Variants in B3GALT1 observed in about 807,000 individuals in gnomAD.
The protein encoded by B3GALT1 is beta-1,3-galactosyltransferase 1, also known as UDP-Gal:betaGlcNAc beta 1,3-galactosyltransferase, polypeptide 1.
In B3GALT1, 10 loss-of-function variants were observed where a neutral mutation model predicts 23.2. The observed-to-expected ratio is 0.43, with a 90% CI of 0.27 to 0.73. The LOEUF is 0.73. Ranked by LOEUF, B3GALT1 falls within the 30% of genes least tolerant of loss-of-function variation. B3GALT1 has a pLI of 0.21. For synonymous variants in B3GALT1, 156 were observed against 141.5 expected (o/e 1.10, Z -0.73); for missense variants, 299 against 405.4 (o/e 0.74, Z 2.25).
intron 3 of B3GALT1, among the ~76,000 whole-genome samples, chr2:167,738,035 G>T (rs1268018787): frequency 6.6e-6 from 1 of 152,156 alleles, no homozygotes; most frequent in South Asian, 2.1e-4. Flanking sequence ...CAGAGCCTGA[G>T]ATTTATGTTT....
Position 167,649,679 on chromosome 2 carries a change from T to C in B3GALT1, c.-352+2713T>C, listed in dbSNP as rs567276072. Reference sequence around the variant, plus strand: ...ATAATATTCCATTATATGGATACGCTACACTAGCATGGTTTTCTTAATTTG... The same window carrying C: ...ATAATATTCCATTATATGGATACGCCACACTAGCATGGTTTTCTTAATTTG... On this transcript the variant is annotated intron_variant, in intron 3 of 4. Coordinates refer to ENST00000392690, the MANE Select transcript of B3GALT1 (RefSeq NM_020981.4). Among the ~76,000 whole-genome samples, 11 of 152,216 alleles carry C rather than the reference T, an allele frequency of 7.2e-5. No homozygotes were observed. The South Asian group carries it at 2.3e-3, about 32-fold the overall frequency.
chr2:167,370,754 G>A (rs796898767), intron 1 of B3GALT1, among the ~76,000 whole-genome samples: 16 of 152,148 alleles, frequency 1.1e-4, no homozygotes, highest in East Asian at 3.9e-4. Flanking sequence ...GTGAAATCTC[G>A]TCTCTACTAA....
intron 3 of B3GALT1, among the ~76,000 whole-genome samples, chr2:167,799,787 G>A (rs1688605787): frequency 6.6e-6 from 1 of 152,134 alleles, no homozygotes. Flanking sequence ...CTGTGAAGAG[G>A]TTGTAATCTC....
intron 3 of B3GALT1, among the ~76,000 whole-genome samples, chr2:167,809,645 G>A (rs535343488): frequency 2.6e-5 from 4 of 152,324 alleles, no homozygotes; most frequent in South Asian, 4.1e-4. Context: ...TCCTCTGGAA[G>A]TTTTGTCTCA....
chr2:167,524,868 A>G (rs930291987), intron 2 of B3GALT1, among the ~76,000 whole-genome samples: 3 of 152,206 alleles, frequency 2.0e-5, no homozygotes, highest in Non-Finnish European at 4.4e-5. Flanking sequence ...ACGTTTTCAT[A>G]TCAGTATGTC....
intron 3 of B3GALT1, among the ~76,000 whole-genome samples, chr2:167,817,865 T>G (rs1333887024): frequency 6.6e-6 from 1 of 152,244 alleles, no homozygotes; most frequent in Admixed American, 6.5e-5. Flanking sequence ...GCAGGTCTAG[T>G]TGGCTTCCAT....
intron 2 of B3GALT1, among the ~76,000 whole-genome samples, chr2:167,504,787 A>G (rs867860508): frequency 1.3e-5 from 2 of 152,196 alleles, no homozygotes; most frequent in African/African-American, 4.8e-5. Flanking sequence ...AGTATTTAGT[A>G]CAGTAACATG....
chr2:167,582,493 T>C (rs559552808), intron 2 of B3GALT1, among the ~76,000 whole-genome samples: 1 of 152,342 alleles, frequency 6.6e-6, no homozygotes, highest in Admixed American at 6.5e-5. Flanking sequence ...CACTAAGTAG[T>C]AGAAAGTAAA....
chr2:167,826,533 C>CTGAT lies in B3GALT1; in HGVS notation c.-230+7742_-230+7745dup, dbSNP rs142121149. ...TTAAACCCTTGAAGAAACTCAAGAA[C>CTGAT]TGATTAGAAGACACCCTGTCAGGAA... On this transcript the variant is annotated intron_variant, in intron 4 of 4. Coordinates refer to ENST00000392690, the MANE Select transcript of B3GALT1 (RefSeq NM_020981.4). Among the ~76,000 whole-genome samples, 673 of 152,240 alleles carry CTGAT rather than the reference C, an allele frequency of 4.4e-3. 4 individuals carry two copies. Among genetic ancestry groups the CTGAT allele is most frequent in the African/African-American group, 0.014 (585 of 41,548 alleles).
intron 3 of B3GALT1, among the ~76,000 whole-genome samples, chr2:167,764,182 C>T (rs11680791): frequency 6.6e-6 from 1 of 152,134 alleles, no homozygotes; most frequent in Non-Finnish European, 1.5e-5. Flanking sequence ...GTGCCCCGTT[C>T]CCTTCACAAA....
chr2:167,406,422 C>CA (rs1370784260), intron 1 of B3GALT1, among the ~76,000 whole-genome samples: 1 of 151,966 alleles, frequency 6.6e-6, no homozygotes, highest in Non-Finnish European at 1.5e-5. Context: ...CCTGGAGCCA[C>CA]AGAAAAGTGG....
intron 4 of B3GALT1, among the ~76,000 whole-genome samples, chr2:167,837,924 A>T (rs563456684): frequency 6.6e-6 from 1 of 152,290 alleles, no homozygotes; most frequent in Non-Finnish European, 1.5e-5. Flanking sequence ...CTCCTGAATG[A>T]CTACTGGGTA....
rs150906328 is a variant in B3GALT1, at chr2:167,653,657, C to T, written c.-352+6691C>T. Among the ~76,000 whole-genome samples, 1,391 of 152,222 alleles carry T rather than the reference C, an allele frequency of 9.1e-3. 14 individuals carry two copies. The highest frequency in any genetic ancestry group is 0.024 in the Middle Eastern group (7 of 294). ...ATTTACAGGAGATGTTGCAGGCTCA[C>T]GCTCCTAATAGGCTTCCTCATTTGC... On this transcript the variant is annotated intron_variant, in intron 3 of 4. Transcript: ENST00000392690.
intron 1 of B3GALT1, among the ~76,000 whole-genome samples, chr2:167,471,525 G>C (rs1415858907): frequency 1.3e-5 from 2 of 152,162 alleles, no homozygotes; most frequent in Non-Finnish European, 2.9e-5. Context: ...GGGAAACCCA[G>C]CTGATGCAGA....
chr2:167,401,262 C>G (rs1187867962), intron 1 of B3GALT1, among the ~76,000 whole-genome samples: 1 of 152,074 alleles, frequency 6.6e-6, no homozygotes, highest in African/African-American at 2.4e-5. Flanking sequence ...TTCCTTGTCC[C>G]TCTTCCTTCA....
intron 2 of B3GALT1, among the ~76,000 whole-genome samples, chr2:167,600,559 G>A (rs1684856829): frequency 6.6e-6 from 1 of 152,024 alleles, no homozygotes; most frequent in Non-Finnish European, 1.5e-5. Context: ...GTTCCCCCCA[G>A]CCTTAAACAA....
At chr2:167,311,855 G>A (rs1246330078) in intron 1 of B3GALT1, among the ~76,000 whole-genome samples, 2 of 151,906 alleles carry the variant, frequency 1.3e-5, no homozygotes, top group Non-Finnish European at 2.9e-5. Flanking sequence ...GAAATAGTGG[G>A]AGGACCTTGT....
At chr2:167,809,495 T>G (rs181431757) in intron 3 of B3GALT1, among the ~76,000 whole-genome samples, 60 of 152,276 alleles carry the variant, frequency 3.9e-4, no homozygotes, top group African/African-American at 1.4e-3. Context: ...TTAGTTTTCC[T>G]TCTAACAGAC....
chr2:167,545,396 A>G (rs1316950149), intron 2 of B3GALT1, among the ~76,000 whole-genome samples: 3 of 151,670 alleles, frequency 2.0e-5, no homozygotes, highest in Non-Finnish European at 4.4e-5. Flanking sequence ...TTCCTATCCT[A>G]TAGAATTAGC....
Sources: gnomAD v4.1 joint callset for allele counts (sites outside exome capture counted in the v4.1 genomes callset) on GRCh38, gnomAD v4.1.1 for gene constraint, MANE v1.5 for transcripts, NCBI Gene and HGNC (gene_info 2026-07-23, HGNC 2026-07-21) for gene names.